Variants in CRADD observed in about 807,000 individuals in gnomAD.
CRADD encodes the protein CARD and death domain containing adaptor protein.
A neutral mutation model predicts 15.5 loss-of-function variants in CRADD; 9 were observed. The ratio of observed to expected loss-of-function variants is 0.58; its 90% CI spans 0.35 to 1.01. The LOEUF (loss-of-function observed/expected upper bound fraction) is 1.01, where lower values mean the gene tolerates loss of function less well. Among genes scored for constraint, CRADD ranks in the 50% least tolerant of loss-of-function variants. The pLI is 0.02. For missense variants in CRADD, 227 were observed against 250.3 expected (o/e 0.91, Z 0.63); for synonymous variants, 118 against 107.6 (o/e 1.10, Z -0.60).
intron 2 of CRADD, among the ~76,000 whole-genome samples, chr12:93,856,746 G>A (rs1380756057): frequency 6.6e-6 from 1 of 152,116 alleles, no homozygotes; most frequent in African/African-American, 2.4e-5. Flanking sequence ...AGAAACATGT[G>A]GTTTGTTAAT....
chr12:93,846,406 A>G (rs2137046163), intron 2 of CRADD: 1 of 152,274 alleles, frequency 6.6e-6, no homozygotes, highest in Non-Finnish European at 1.5e-5. Flanking sequence ...AATAGTGCAC[A>G]AGGGTTCCAA....
At chr12:93,878,606 ATTTAGAAACACAGCGC>A (rs1236440340) in intron 2 of CRADD, among the ~76,000 whole-genome samples, 1 of 151,602 alleles carries the variant, frequency 6.6e-6, no homozygotes, top group Non-Finnish European at 1.5e-5. Flanking sequence ...TTTTAAGTTT[ATTTAGAAACACAGCGC>A]TATAGCCCAT....
intron 2 of CRADD, among the ~76,000 whole-genome samples, chr12:93,876,269 A>G (rs1958457282): frequency 1.3e-5 from 2 of 151,514 alleles, no homozygotes; most frequent in Non-Finnish European, 2.9e-5. Context: ...GACCTTTGTG[A>G]GTTTGATTAT....
chr12:93,882,293 C>T (rs1958507642), intron 2 of CRADD, among the ~76,000 whole-genome samples: 1 of 147,858 alleles, frequency 6.8e-6, no homozygotes. Context: ...TGGTGGCAGG[C>T]GCCTGTGATC....
intron 2 of CRADD, among the ~76,000 whole-genome samples, chr12:93,766,189 T>G (rs1344277471): frequency 6.6e-6 from 1 of 152,218 alleles, no homozygotes; most frequent in East Asian, 1.9e-4. Flanking sequence ...CCAGTCAAGT[T>G]ACTAAGTCTC....
At chr12:93,854,378 G>A (rs1808579518), downstream of CRADD, among the ~76,000 whole-genome samples, 1 of 152,222 alleles carries the variant, frequency 6.6e-6, no homozygotes, top group African/African-American at 2.4e-5. Flanking sequence ...AGTAGTGGCA[G>A]GGGTTCCCCA....
At chr12:93,740,570 T>C (rs1175720148) in intron 2 of CRADD, among the ~76,000 whole-genome samples, 1 of 152,180 alleles carries the variant, frequency 6.6e-6, no homozygotes, top group Non-Finnish European at 1.5e-5. Context: ...CCATGATTAA[T>C]ATATGGAAAT....
At chr12:93,792,477 T>C (rs1957359340) in intron 2 of CRADD, among the ~76,000 whole-genome samples, 1 of 152,188 alleles carries the variant, frequency 6.6e-6, no homozygotes. Flanking sequence ...TGGGTTTTCC[T>C]ATAAAGCTAG....
downstream of CRADD, among the ~76,000 whole-genome samples, chr12:93,852,632 A>C (rs1187049615): frequency 6.6e-6 from 1 of 152,244 alleles, no homozygotes; most frequent in Non-Finnish European, 1.5e-5. Flanking sequence ...AATGCTACAT[A>C]GCAGCTGCCT....
chr12:93,786,352 C>G (rs1957277776), intron 2 of CRADD, among the ~76,000 whole-genome samples: 1 of 152,206 alleles, frequency 6.6e-6, no homozygotes, highest in Non-Finnish European at 1.5e-5. Flanking sequence ...CTCAAAGCTT[C>G]AAGTTTCTTT....
At chr12:93,787,405 G>C (rs1190433894) in intron 2 of CRADD, among the ~76,000 whole-genome samples, 1 of 148,154 alleles carries the variant, frequency 6.7e-6, no homozygotes, top group Non-Finnish European at 1.5e-5. Flanking sequence ...CCCCAAACCA[G>C]TATCACTGGA....
chr12:93,866,681 A>G (rs1212028978), intron 2 of CRADD, among the ~76,000 whole-genome samples: 1 of 152,212 alleles, frequency 6.6e-6, no homozygotes, highest in African/African-American at 2.4e-5. Context: ...GGGCTTCAAG[A>G]CCATTAGCTC....
At chr12:93,765,885 G>C (rs957718998) in intron 2 of CRADD, among the ~76,000 whole-genome samples, 1 of 151,816 alleles carries the variant, frequency 6.6e-6, no homozygotes, top group Admixed American at 6.6e-5. Flanking sequence ...AGACTGTCAT[G>C]TATGATTTTA....
chr12:93,799,717 T>C (rs1460483469), intron 2 of CRADD, among the ~76,000 whole-genome samples: 1 of 152,210 alleles, frequency 6.6e-6, no homozygotes, highest in Admixed American at 6.5e-5. Flanking sequence ...AATACCCAGA[T>C]AGTTTAAAGC....
rs144421624 is a variant in CRADD, at chr12:93,724,613, T to C, written c.298+45541T>C. On this transcript the variant is annotated intron_variant, in intron 2 of 2. Transcript: ENST00000332896. The stretch of plus-strand genomic sequence containing the variant: ...ACCAGAAGCCTCTTGACTTTTCATT[T>C]TTTGCCTTTGAAAAAAGTCAGGTAG... Among the ~76,000 whole-genome samples the C allele has an allele frequency of 2.0e-3, 312 of 152,292 alleles. 3 individuals are homozygous for C. The highest frequency in any genetic ancestry group is 7.2e-3 in the African/African-American group (300 of 41,562).
At chr12:93,714,710 C>T (rs530709455) in intron 2 of CRADD, 2 of 152,338 alleles carry the variant, frequency 1.3e-5, no homozygotes, top group South Asian at 2.1e-4. Context: ...ACAGCACATC[C>T]GTAAGGCTGG....
At chr12:93,693,653 CTT>C (rs1213067490) in intron 2 of CRADD, among the ~76,000 whole-genome samples, 1 of 151,938 alleles carries the variant, frequency 6.6e-6, no homozygotes, top group Non-Finnish European at 1.5e-5. Flanking sequence ...TAGTAGAGAA[CTT>C]TAATACCCCA....
intron 2 of CRADD, among the ~76,000 whole-genome samples, chr12:93,856,539 G>A (rs2137055799): frequency 6.6e-6 from 1 of 152,340 alleles, no homozygotes; most frequent in East Asian, 1.9e-4. Flanking sequence ...TCCTGCCCAA[G>A]TTAGCATGTT....
At chr12:93,739,864 G>A (rs944367763) in intron 2 of CRADD, among the ~76,000 whole-genome samples, 1 of 152,052 alleles carries the variant, frequency 6.6e-6, no homozygotes, top group Non-Finnish European at 1.5e-5. Flanking sequence ...TCACAATTCT[G>A]CTTTTGATTT....
Sources: gnomAD v4.1 joint callset for allele counts (sites outside exome capture counted in the v4.1 genomes callset) on GRCh38, gnomAD v4.1.1 for gene constraint, MANE v1.5 for transcripts, NCBI Gene and HGNC (gene_info 2026-07-23, HGNC 2026-07-21) for gene names.